CEP128: variants seen among roughly 807,000 people sequenced by gnomAD.
CEP128 encodes the protein centrosomal protein 128kDa.
A neutral mutation model predicts 156.7 loss-of-function variants in CEP128; 132 were observed. That is an observed-to-expected ratio of 0.84 (90% CI 0.73 to 0.97). The LOEUF (loss-of-function observed/expected upper bound fraction) is 0.97. Among genes scored for constraint, CEP128 ranks in the 50% least tolerant of loss-of-function variants. The pLI, the probability that CEP128 is intolerant of heterozygous loss-of-function variation, is 0.00. For synonymous variants in CEP128, 469 were observed against 448.9 expected, an observed-to-expected ratio of 1.04 and a Z score of -0.57; for missense variants, 1,252 against 1,281.9, an observed-to-expected ratio of 0.98 and a Z score of 0.36.
intron 19 of CEP128, among the ~76,000 whole-genome samples, chr14:80,639,932 C>A (rs1322658670): frequency 6.6e-6 from 1 of 152,130 alleles, no homozygotes; most frequent in Non-Finnish European, 1.5e-5. Flanking sequence ...TAATCAAATT[C>A]TTTCTTATAG....
At chr14:80,511,750 ACTGCTTTTGC>A (rs1888268772) in intron 23 of CEP128, among the ~76,000 whole-genome samples, 1 of 151,866 alleles carries the variant, frequency 6.6e-6, no homozygotes. Context: ...TCCTCTTCGT[ACTGCTTTTGC>A]TGTACCCCAG....
At chr14:80,534,690 T>C (rs1053193091) in intron 21 of CEP128, among the ~76,000 whole-genome samples, 1 of 151,886 alleles carries the variant, frequency 6.6e-6, no homozygotes, top group Non-Finnish European at 1.5e-5. Flanking sequence ...CCGGGCGCGG[T>C]GGCGGGCACC....
chr14:80,924,544 T>C (rs1885044828), intron 2 of CEP128, among the ~76,000 whole-genome samples: 1 of 151,744 alleles, frequency 6.6e-6, no homozygotes, highest in South Asian at 2.1e-4. Context: ...CCTTGGGGAG[T>C]CAGGTTAGGA....
chr14:80,955,545 T>C (rs1886613977), intron 2 of CEP128: 3 of 1,055,290 alleles, frequency 2.8e-6, no homozygotes, highest in Non-Finnish European at 4.4e-6. Flanking sequence ...AGTGGTGAGG[T>C]CACAGCCCCT....
chr14:80,696,442 A>C (rs1896894745), intron 19 of CEP128, among the ~76,000 whole-genome samples: 1 of 152,154 alleles, frequency 6.6e-6, no homozygotes, highest in Admixed American at 6.6e-5. Context: ...AGAACATGAG[A>C]TATGAAAAGA....
At chr14:80,649,241 C>T (rs994299208) in intron 19 of CEP128, among the ~76,000 whole-genome samples, 1 of 151,996 alleles carries the variant, frequency 6.6e-6, no homozygotes. Flanking sequence ...AATTTTATAC[C>T]TTCGTCCTCT....
intron 19 of CEP128, among the ~76,000 whole-genome samples, chr14:80,723,210 A>T (rs1897892987): frequency 6.6e-6 from 1 of 152,208 alleles, no homozygotes; most frequent in Non-Finnish European, 1.5e-5. Flanking sequence ...TAATATAAAA[A>T]TGCCAGAATC....
At chr14:80,874,770 G>A (rs907822553) in intron 8 of CEP128, among the ~76,000 whole-genome samples, 9 of 151,938 alleles carry the variant, frequency 5.9e-5, no homozygotes, top group Non-Finnish European at 2.9e-5. Context: ...GGCGCCCACC[G>A]CCATGCCTGG....
At chr14:80,740,250 G>A (rs1291041834) in intron 19 of CEP128, among the ~76,000 whole-genome samples, 1 of 151,970 alleles carries the variant, frequency 6.6e-6, no homozygotes, top group East Asian at 1.9e-4. Flanking sequence ...TGGAGACACA[G>A]CATTCAGCAA....
intron 23 of CEP128, among the ~76,000 whole-genome samples, chr14:80,520,447 A>AAAAAC (rs71103860): frequency 6.6e-6 from 1 of 151,502 alleles, no homozygotes; most frequent in East Asian, 1.9e-4. Context: ...CAAACAAAAA[A>AAAAAC]CAACATTCAT....
At chr14:80,877,985 A>G (rs1016878697) in intron 8 of CEP128, among the ~76,000 whole-genome samples, 38 of 151,914 alleles carry the variant, frequency 2.5e-4, no homozygotes, top group African/African-American at 7.7e-4. Context: ...CCTACATACC[A>G]GAGAAGTGGC....
chr14:80,781,128 T>C (rs1816271018), intron 15 of CEP128, among the ~76,000 whole-genome samples: 1 of 152,170 alleles, frequency 6.6e-6, no homozygotes, highest in Admixed American at 6.5e-5. Context: ...GTATGCACAG[T>C]AATCTATATT....
chr14:80,583,314 C>A (rs544361839), intron 19 of CEP128, among the ~76,000 whole-genome samples: 1 of 151,882 alleles, frequency 6.6e-6, no homozygotes, highest in Non-Finnish European at 1.5e-5. Flanking sequence ...TAAGCAGACA[C>A]CTGTTTTGGT....
intron 9 of CEP128, among the ~76,000 whole-genome samples, chr14:80,858,684 T>A (rs1250669147): frequency 6.6e-6 from 1 of 150,626 alleles, no homozygotes; most frequent in Non-Finnish European, 1.5e-5. Flanking sequence ...TACAATGCAC[T>A]CAAACAAATT....
chr14:80,777,122 G>A (rs545722233), intron 16 of CEP128, among the ~76,000 whole-genome samples: 2 of 152,186 alleles, frequency 1.3e-5, no homozygotes, highest in Non-Finnish European at 2.9e-5. Flanking sequence ...ACTCAAAAGG[G>A]AGCAATAAAA....
chr14:80,851,844 A>T (rs1406906988), intron 9 of CEP128, among the ~76,000 whole-genome samples: 1 of 152,044 alleles, frequency 6.6e-6, no homozygotes, highest in African/African-American at 2.4e-5. Context: ...TGAATAAAGT[A>T]ATCTTAAGAA....
intron 19 of CEP128, among the ~76,000 whole-genome samples, chr14:80,725,183 A>ATT (rs201490130): frequency 9.8e-4 from 134 of 137,094 alleles, no homozygotes; most frequent in African/African-American, 3.1e-3. Flanking sequence ...TGTTTTCCCA[A>ATT]TTTTTTTTTT....
intron 9 of CEP128, among the ~76,000 whole-genome samples, chr14:80,847,559 T>C (rs1595491933): frequency 6.6e-6 from 1 of 152,170 alleles, no homozygotes; most frequent in Non-Finnish European, 1.5e-5. Context: ...GTTTCAGCCA[T>C]TGATTGGTAA....
upstream of CEP128, among the ~76,000 whole-genome samples, chr14:80,946,348 ATCAT>A (rs1566731652): frequency 2.9e-5 from 4 of 137,714 alleles, no homozygotes; most frequent in African/African-American, 1.1e-4. Flanking sequence ...CTCATGATGC[ATCAT>A]GATGATGCCT....
Sources: gnomAD v4.1 joint callset for allele counts (sites outside exome capture counted in the v4.1 genomes callset) on GRCh38, gnomAD v4.1.1 for gene constraint, MANE v1.5 for transcripts, NCBI Gene and HGNC (gene_info 2026-07-23, HGNC 2026-07-21) for gene names.